NUBPL: variants seen among roughly 807,000 people sequenced by gnomAD.
NUBPL encodes NUBP iron-sulfur cluster assembly factor, mitochondrial.
Under a neutral mutation model 45.7 loss-of-function variants are expected in NUBPL, and 31 were observed. The observed-to-expected ratio is 0.68, with a 90% CI of 0.51 to 0.92. The LOEUF is 0.92. Ranked by LOEUF, NUBPL falls within the 40% of genes least tolerant of loss-of-function variation. NUBPL has a pLI of 0.00. For synonymous variants in NUBPL, 144 were observed against 140.9 expected, an observed-to-expected ratio of 1.02 and a Z score of -0.15; for missense variants, 401 against 398.7, an observed-to-expected ratio of 1.01 and a Z score of -0.05.
rs573037372 is a variant in NUBPL, at chr14:31,617,897, A to C, written c.382+18518A>C. ...TCTGGTAGAATTAGGCTGTGAATCC[A>C]TCTGGGTCTGGACTTTTTTTTGTTG... On this transcript the variant is annotated intron_variant, in intron 4 of 10. Coordinates refer to ENST00000281081, the MANE Select transcript of NUBPL (RefSeq NM_025152.3). Among the ~76,000 whole-genome samples, 320 of 152,252 alleles carry C rather than the reference A, an allele frequency of 2.1e-3. 1 individual carries two copies. The highest frequency in any genetic ancestry group is 7.3e-3 in the African/African-American group (303 of 41,550).
chr14:31,838,072 C>A (rs181097497), intron 8 of NUBPL, among the ~76,000 whole-genome samples: 1 of 151,878 alleles, frequency 6.6e-6, no homozygotes, highest in African/African-American at 2.4e-5. Flanking sequence ...AACAAGTAAA[C>A]GGTTGAACAA....
chr14:31,628,110 A>G (rs1259673688), intron 4 of NUBPL, among the ~76,000 whole-genome samples: 1 of 152,206 alleles, frequency 6.6e-6, no homozygotes, highest in Non-Finnish European at 1.5e-5. Flanking sequence ...ACAGACATGT[A>G]GTTGTAAAAA....
At chr14:31,673,615 G>A (rs1422200316) in intron 6 of NUBPL, 41 bp downstream of exon 6, 1 of 1,528,542 alleles carries the variant, frequency 6.5e-7, no homozygotes, top group Non-Finnish European at 9.1e-7. Context: ...CATTGGCAAA[G>A]CTGTGGTTAA....
intron 7 of NUBPL, among the ~76,000 whole-genome samples, chr14:31,803,076 C>T (rs1204429207): frequency 6.6e-6 from 1 of 152,120 alleles, no homozygotes; most frequent in African/African-American, 2.4e-5. Context: ...TTTATGGTAA[C>T]CCTCTTTGAC....
intron 7 of NUBPL, among the ~76,000 whole-genome samples, chr14:31,806,473 A>G (rs182194795): frequency 3.5e-4 from 54 of 152,312 alleles, no homozygotes; most frequent in African/African-American, 1.2e-3. Context: ...TGGAAACCAA[A>G]ATAGTTTTTT....
chr14:31,748,496 A>G (rs1017889775), intron 6 of NUBPL, among the ~76,000 whole-genome samples: 1 of 151,152 alleles, frequency 6.6e-6, no homozygotes, highest in African/African-American at 2.4e-5. Context: ...GTGTGTAGAT[A>G]TTTACAATTG....
At chr14:31,676,977 G>A (rs2036714915) in intron 6 of NUBPL, among the ~76,000 whole-genome samples, 1 of 150,816 alleles carries the variant, frequency 6.6e-6, no homozygotes. Context: ...ATCTTTGCCT[G>A]TTTACCCCAA....
chr14:31,574,351 G>C (rs557357477), intron 3 of NUBPL, among the ~76,000 whole-genome samples: 1 of 151,144 alleles, frequency 6.6e-6, no homozygotes, highest in South Asian at 2.1e-4. Context: ...TGTAACCTCT[G>C]TCTCCCGGGT....
chr14:31,611,317 C>T (rs1002614959), intron 4 of NUBPL, among the ~76,000 whole-genome samples: 11 of 151,932 alleles, frequency 7.2e-5, no homozygotes, highest in African/African-American at 1.9e-4. Flanking sequence ...AACATAATCC[C>T]GTTTATAATA....
chr14:31,622,689 G>A (rs757700141), intron 4 of NUBPL, among the ~76,000 whole-genome samples: 1 of 152,232 alleles, frequency 6.6e-6, no homozygotes, highest in South Asian at 2.1e-4. Context: ...TCCACATGCT[G>A]TTGGGCCTGC....
intron 6 of NUBPL, among the ~76,000 whole-genome samples, chr14:31,689,660 A>G (rs1010670438): frequency 1.3e-5 from 2 of 152,128 alleles, no homozygotes; most frequent in Non-Finnish European, 2.9e-5. Context: ...GAAGCTTTTA[A>G]GTTTAATTAG....
Position 31,565,003 on chromosome 14 carries a change from G to T in NUBPL, c.257-11G>T, listed in dbSNP as rs1267950539. On this transcript the variant is annotated splice_polypyrimidine_tract_variant and intron_variant, in intron 2 of 10. Coordinates refer to ENST00000281081, the MANE Select transcript of NUBPL (RefSeq NM_025152.3). ...GTTACTAAATTCAATTACTTTTTTTGTTTCTTACAGTGAATCTTGCACTTG... is the reference window on the plus strand; with the variant it reads ...GTTACTAAATTCAATTACTTTTTTTTTTTCTTACAGTGAATCTTGCACTTG... 2 of 1,506,998 alleles carry T rather than the reference G, an allele frequency of 1.3e-6. No individual in the cohort carries two copies. The highest frequency in any genetic ancestry group is 1.4e-5 in the African/African-American group (1 of 72,890). 93.4% of individuals were successfully genotyped at this position (1,506,998 alleles called of 1,614,324 possible).
At chr14:31,710,827 T>C (rs938693983) in intron 6 of NUBPL, among the ~76,000 whole-genome samples, 2 of 152,210 alleles carry the variant, frequency 1.3e-5, no homozygotes, top group Non-Finnish European at 2.9e-5. Flanking sequence ...CCTGCTTGTC[T>C]GAGGAGGGAT....
intron 6 of NUBPL, among the ~76,000 whole-genome samples, chr14:31,693,533 A>G (rs1197259498): frequency 6.6e-6 from 1 of 152,190 alleles, no homozygotes; most frequent in African/African-American, 2.4e-5. Flanking sequence ...TAAGTTAGCC[A>G]TATCTAAATA....
chr14:31,777,950 C>G (rs1181049739), intron 6 of NUBPL, among the ~76,000 whole-genome samples: 1 of 152,184 alleles, frequency 6.6e-6, no homozygotes, highest in Non-Finnish European at 1.5e-5. Flanking sequence ...AAGTTTCTGA[C>G]CATTCCAAAC....
intron 8 of NUBPL, among the ~76,000 whole-genome samples, chr14:31,834,480 G>A (rs1156491744): frequency 1.3e-5 from 2 of 152,004 alleles, no homozygotes; most frequent in Non-Finnish European, 2.9e-5. Context: ...CGCCTGGCCG[G>A]TCTGGAACTT....
chr14:31,789,493 G>C (rs116672015), intron 7 of NUBPL, among the ~76,000 whole-genome samples: 1 of 151,954 alleles, frequency 6.6e-6, no homozygotes, highest in South Asian at 2.1e-4. Context: ...ATGCATATCT[G>C]TTTTATGATA....
chr14:31,631,499 C>A (rs1045486764), intron 4 of NUBPL, among the ~76,000 whole-genome samples: 5 of 151,778 alleles, frequency 3.3e-5, no homozygotes, highest in Non-Finnish European at 7.4e-5. Flanking sequence ...CCCCACCCCC[C>A]ACACACAAAG....
chr14:31,740,590 C>T (rs937968872), intron 6 of NUBPL, among the ~76,000 whole-genome samples: 15 of 152,160 alleles, frequency 9.9e-5, no homozygotes, highest in East Asian at 5.8e-4. Flanking sequence ...TATTTTCTCC[C>T]GGTTTTTGGC....
Sources: gnomAD v4.1 joint callset for allele counts (sites outside exome capture counted in the v4.1 genomes callset) on GRCh38, gnomAD v4.1.1 for gene constraint, MANE v1.5 for transcripts, NCBI Gene and HGNC (gene_info 2026-07-23, HGNC 2026-07-21) for gene names.